SELP: variants seen among roughly 807,000 people sequenced by gnomAD.
SELP encodes the protein selectin P, also known as P-selectin.
Under a neutral mutation model 104.1 loss-of-function variants are expected in SELP, and 92 were observed. That is an observed-to-expected ratio of 0.88 (90% CI 0.75 to 1.05). The LOEUF is 1.05. Ranked by LOEUF, SELP falls within the 50% of genes least tolerant of loss-of-function variation. The pLI is 0.00. For synonymous variants in SELP, 397 were observed against 364.5 expected (o/e 1.09, Z -1.01); for missense variants, 1,022 against 1,017.3 (o/e 1.00, Z -0.06).
chr1:169,629,923 A>AATCT, intron 1 of SELP, 149 bp downstream of exon 1: 1 of 1,015,910 alleles, frequency 9.8e-7, no homozygotes, highest in Non-Finnish European at 1.5e-6. Context: ...AGCAAGTTTA[A>AATCT]AAGTACTCAC....
At chr1:169,621,843 GA>G (rs1303998451) in intron 1 of SELP, among the ~76,000 whole-genome samples, 1 of 152,106 alleles carries the variant, frequency 6.6e-6, no homozygotes, top group Non-Finnish European at 1.5e-5. Flanking sequence ...CCTTTGGTGC[GA>G]ACCTAACCCC....
At chr1:169,610,411 T>C (rs1268743452) in intron 7 of SELP, among the ~76,000 whole-genome samples, 2 of 152,204 alleles carry the variant, frequency 1.3e-5, no homozygotes, top group Non-Finnish European at 2.9e-5. Flanking sequence ...GCATTTCATT[T>C]CCAGGCTATT....
chr1:169,617,461 A>C lies in SELP; in HGVS notation c.95-47T>G, dbSNP rs1255532406. ...GCCAGGTTAGTACCCCTCACCAAAA[A>C]AGAGGCCGTGATCCCAAGTATGCTT... On this transcript the variant is annotated intron_variant, in intron 2 of 16. Transcript: ENST00000263686. 1.9e-6 allele frequency: 3 copies of C among 1,575,720 alleles called. No homozygotes were observed. The African/African-American group carries it at 4.1e-5, about 21-fold the overall frequency.
chr1:169,626,183 T>C (rs1227074133), intron 1 of SELP, among the ~76,000 whole-genome samples: 1 of 152,054 alleles, frequency 6.6e-6, no homozygotes, highest in Non-Finnish European at 1.5e-5. Flanking sequence ...GTGGCCAGAA[T>C]GGAATGAGCA....
chr1:169,626,121 C>A lies in SELP; in HGVS notation c.3+3951G>T, dbSNP rs558154605. Among the ~76,000 whole-genome samples, 3 of 152,124 alleles carry A rather than the reference C, an allele frequency of 2.0e-5. No individual in the cohort carries two copies. The East Asian group carries it at 5.8e-4, about 29-fold the overall frequency. ...GAAGAAGAAAAAGCTATTTCAAAGG[C>A]CTTAAGGTGGAAGCAAACTGCAGTG... On this transcript the variant is annotated intron_variant, in intron 1 of 16. Coordinates refer to ENST00000263686, the MANE Select transcript of SELP (RefSeq NM_003005.4).
intron 9 of SELP, among the ~76,000 whole-genome samples, chr1:169,604,379 A>T (rs1391611554): frequency 2.0e-5 from 3 of 152,116 alleles, no homozygotes; most frequent in Non-Finnish European, 2.9e-5. Context: ...AGATTGCAAA[A>T]ATGTTCTCCC....
intron 5 of SELP, 135 bp downstream of exon 5, chr1:169,612,794 C>T: frequency 3.0e-6 from 2 of 674,286 alleles, no homozygotes; most frequent in Non-Finnish European, 2.4e-6. Context: ...TGACAGTTAA[C>T]AGTGATAACC....
chr1:169,615,046 G>T (rs1293608557), intron 3 of SELP, among the ~76,000 whole-genome samples: 1 of 152,116 alleles, frequency 6.6e-6, no homozygotes, highest in East Asian at 1.9e-4. Flanking sequence ...CCCATTTCAG[G>T]GTTTCCTGAA....
chr1:169,619,267 C>T lies in SELP; in HGVS notation c.4-48G>A, dbSNP rs201819885. 2.3e-6 allele frequency: 3 copies of T among 1,318,150 alleles called. No individual in the cohort carries two copies. In the African/African-American group the frequency reaches 4.4e-5, roughly 19 times the overall value. 81.7% of individuals were successfully genotyped at this position (1,318,150 alleles called of 1,614,324 possible). ...TCTTTTAGTATCCATACACCACCAA[C>T]ATGGCCAAAAATAATTCTAGTTAAC... On this transcript the variant is annotated intron_variant, in intron 1 of 16. Transcript: ENST00000263686.
chr1:169,600,135 C>T (rs1478515572), intron 10 of SELP, among the ~76,000 whole-genome samples: 2 of 146,576 alleles, frequency 1.4e-5, no homozygotes, highest in Non-Finnish European at 3.0e-5. Context: ...TCCTGAAGGG[C>T]AAAGGCAGAG....
Position 169,612,329 on chromosome 1 carries a change from C to T in SELP, c.849G>A (p.Gln283=), listed in dbSNP as rs781752132. The T allele has an allele frequency of 5.0e-6, 8 of 1,614,044 alleles. No individual in the cohort carries two copies. The East Asian group carries it at 1.6e-4, about 31-fold the overall frequency. The change falls in exon 6 of 17, where the codon CAG becomes CAA. Residue 283 remains glutamine (Q), a synonymous_variant. Transcript: ENST00000263686. ...MTCLHSAKAF[Q]HQSSCSFSCE... ...AACTGAAGCTGCAGCTAGACTGATGCTGGAATGCTTTTGCAGAATGAAGGC... is the reference window on the plus strand; with the variant it reads ...AACTGAAGCTGCAGCTAGACTGATGTTGGAATGCTTTTGCAGAATGAAGGC...
chr1:169,609,625 T>C lies in SELP; in HGVS notation c.1212A>G (p.Arg404=), dbSNP rs188066645. The C allele has an allele frequency of 1.5e-5, 25 of 1,613,946 alleles. 1 individual carries two copies. In the African/African-American group the frequency reaches 3.1e-4, roughly 20 times the overall value. The change falls in exon 8 of 17, where the codon AGA becomes AGG. Residue 404 remains arginine, a synonymous_variant. Transcript: ENST00000263686. Reference sequence around the variant, plus strand: ...TACAGTTGGTGTCATACTGAAACGCTCTCAAGGATGGAGAGCAATCCATGC... The same window carrying C: ...TACAGTTGGTGTCATACTGAAACGCCCTCAAGGATGGAGAGCAATCCATGC... The part of the protein sequence containing the change: ...HGSMDCSPSL[R]AFQYDTNCSF...
chr1:169,596,144 GA>G lies in SELP; in HGVS notation c.1892-11del. 6.2e-7 allele frequency: 1 copy of G among 1,612,574 alleles called. No homozygotes were observed. Among genetic ancestry groups the G allele is most frequent in the Non-Finnish European group, 8.5e-7 (1 of 1,178,946 alleles). On this transcript the variant is annotated splice_polypyrimidine_tract_variant and intron_variant, in intron 11 of 16. Transcript: ENST00000263686. The stretch of plus-strand genomic sequence containing the variant: ...GGAAGTGATGCTATGCCTGTTGTGA[GA>G]AAATGTTTCCATTCAGAGACCTCCC...
At chr1:169,609,197 C>T (rs933120188) in intron 8 of SELP, among the ~76,000 whole-genome samples, 1 of 152,094 alleles carries the variant, frequency 6.6e-6, no homozygotes, top group Non-Finnish European at 1.5e-5. Flanking sequence ...TTGTCCATTA[C>T]CCTTCCCCAT....
chr1:169,624,932 G>A lies in SELP; in HGVS notation c.3+5140C>T, dbSNP rs1020263430. Among the ~76,000 whole-genome samples, 7 of 152,316 alleles carry A rather than the reference G, an allele frequency of 4.6e-5. No homozygotes were observed. The South Asian group carries it at 1.2e-3, about 27-fold the overall frequency. On this transcript the variant is annotated intron_variant, in intron 1 of 16. Transcript: ENST00000263686. ...GTTGGCAAGAATAGTGCCACAGAAA[G>A]GAGATCTTGTTCTTTTTGTCTACAT...
intron 3 of SELP, among the ~76,000 whole-genome samples, chr1:169,613,928 G>T (rs535043904): frequency 6.6e-6 from 1 of 152,318 alleles, no homozygotes; most frequent in Non-Finnish European, 1.5e-5. Flanking sequence ...CCTAAGGAGG[G>T]TATTGTTGTG....
intron 10 of SELP, among the ~76,000 whole-genome samples, chr1:169,600,155 A>G (rs558925697): frequency 6.6e-6 from 1 of 152,330 alleles, no homozygotes; most frequent in African/African-American, 2.4e-5. Flanking sequence ...GACAAGGCTG[A>G]AAAATAACCG....
intron 1 of SELP, among the ~76,000 whole-genome samples, chr1:169,622,791 C>A (rs531029653): frequency 6.6e-6 from 1 of 152,184 alleles, no homozygotes; most frequent in South Asian, 2.1e-4. Context: ...AATGTGTAAT[C>A]TTAGGCTAAA....
In SELP at chr1:169,617,247, A is replaced by G. The variant is rs992402338; in HGVS notation, c.262T>C (p.Ser88Pro). 1 of 1,613,914 alleles carries G rather than the reference A, an allele frequency of 6.2e-7. No individual in the cohort carries two copies. Among genetic ancestry groups the G allele is most frequent in the African/African-American group, 1.3e-5 (1 of 74,942 alleles). ...YLNKVLPYYS[S>P]YYWIGIRKNN... is the part of the protein sequence containing the mutation. ...TTTCGGATCCCAATCCAGTAGTAGG[A>G]GCTGTAGTAGGGTAGGACCTTATTG... Residue 88 changes from serine (S) to proline (P), a missense_variant, in exon 3 of 17, where the codon TCC (serine) becomes CCC (proline). Ser to Pro is a moderately conservative substitution (Grantham distance 74, BLOSUM62 -1). Transcript: ENST00000263686.
Sources: allele counts gnomAD v4.1 joint callset (sites outside exome capture counted in the v4.1 genomes callset), GRCh38; gene constraint gnomAD v4.1.1; transcripts MANE v1.5; gene names NCBI Gene and HGNC (gene_info 2026-07-23, HGNC 2026-07-21).